RCOR3: variants seen among roughly 807,000 people sequenced by gnomAD.
The protein encoded by RCOR3 is REST corepressor 3.
RCOR3 carries 13 observed loss-of-function variants against 64.1 expected under a neutral mutation model. That is an observed-to-expected ratio of 0.20 (90% confidence interval 0.13 to 0.32). The LOEUF is 0.32. Ranked by LOEUF, RCOR3 falls within the 10% of genes least tolerant of loss-of-function variation. The probability of loss-of-function intolerance (pLI) is 1.00; values close to 1 mark genes in which losing one functional copy is unlikely to be tolerated. For missense variants in RCOR3, 489 were observed against 701.2 expected, an observed-to-expected ratio of 0.70 and a Z score of 3.42; for synonymous variants, 215 against 239.0, an observed-to-expected ratio of 0.90 and a Z score of 0.93.
At chr1:211,288,863 T>G (rs1698901511) in intron 7 of RCOR3, among the ~76,000 whole-genome samples, 1 of 152,018 alleles carries the variant, frequency 6.6e-6, no homozygotes, top group Non-Finnish European at 1.5e-5. Flanking sequence ...TGAGGGAAAA[T>G]ATATCACATC....
rs1054401415 is a variant in RCOR3 at position 211,286,524 on chromosome 1, G to T, written c.721-2654G>T. The stretch of plus-strand genomic sequence containing the variant: ...GGGTTTCACCGGGTTAGCCAGTATG[G>T]TCTCGATCTCCTGACCTCGTGATCC... On this transcript the variant is annotated intron_variant, in intron 7 of 11. Transcript: ENST00000419091. 2.6e-5 allele frequency among the ~76,000 whole-genome samples: 4 copies of T among 152,044 alleles called. No individual in the cohort carries two copies. The South Asian group carries it at 8.3e-4, about 32-fold the overall frequency.
rs1701787075 is a variant in RCOR3, at chr1:211,314,861, C to G, written c.*1093C>G. 2 of 152,090 alleles carry G rather than the reference C, an allele frequency of 1.3e-5. No individual in the cohort carries two copies. The highest frequency in any genetic ancestry group is 4.8e-5 in the African/African-American group (2 of 41,414). 9.4% of individuals were successfully genotyped at this position (152,090 alleles called of 1,614,324 possible). On this transcript the variant is annotated 3_prime_UTR_variant, in exon 12 of 12. Transcript: ENST00000419091. ...CATTTGTGTATTCCTTGCAGCCAAC[C>G]TGTATTCGTGGGATTGGTGTAGGGT...
intron 2 of RCOR3, chr1:211,261,089 G>A (rs1694184436): frequency 6.6e-6 from 1 of 152,280 alleles, no homozygotes; most frequent in African/African-American, 2.4e-5. Flanking sequence ...CTTTGAAAGG[G>A]ACCCACCTTT....
chr1:211,313,904 C>A lies in RCOR3; in HGVS notation c.*136C>A. On this transcript the variant is annotated 3_prime_UTR_variant, in exon 12 of 12. Coordinates refer to ENST00000419091, the MANE Select transcript of RCOR3 (RefSeq NM_001136223.3). This position sits in a 1 kb window ranked among gnomAD's most constrained non-coding sequence, Gnocchi z 4.7. ...AACTAGTTCTGTGGCAGTGGACTAGCATAAGTGGATGTCTAAGAAATTTTT... is the reference window on the plus strand; with the variant it reads ...AACTAGTTCTGTGGCAGTGGACTAGAATAAGTGGATGTCTAAGAAATTTTT... The A allele has an allele frequency of 1.2e-6, 1 of 825,986 alleles. No individual in the cohort carries two copies. 51.2% of individuals were successfully genotyped at this position (825,986 alleles called of 1,614,324 possible).
chr1:211,263,015 CT>C (rs1204169805), intron 2 of RCOR3, among the ~76,000 whole-genome samples: 8 of 103,342 alleles, frequency 7.7e-5, no homozygotes, highest in Admixed American at 5.9e-4. Flanking sequence ...AATGTTATCC[CT>C]CCCCCCTGCC....
intron 10 of RCOR3, 47 bp downstream of exon 10, chr1:211,304,187 G>T (rs1183030221): frequency 1.5e-6 from 2 of 1,357,476 alleles, no homozygotes; most frequent in Admixed American, 4.8e-5. Flanking sequence ...TATTTAATTT[G>T]TCATGAAAGG....
At chr1:211,310,648 C>T (rs974893244) in intron 10 of RCOR3, among the ~76,000 whole-genome samples, 1 of 151,928 alleles carries the variant, frequency 6.6e-6, no homozygotes, top group Non-Finnish European at 1.5e-5. Flanking sequence ...GTCCATTGAA[C>T]AAGGGAAAAT....
At chr1:211,267,257 C>T (rs1407738246) in intron 2 of RCOR3, among the ~76,000 whole-genome samples, 1 of 152,144 alleles carries the variant, frequency 6.6e-6, no homozygotes, top group Non-Finnish European at 1.5e-5. Context: ...ACACAGCTAC[C>T]AAGTAGCAGA....
At chr1:211,304,417 C>G (rs921362070) in intron 10 of RCOR3, among the ~76,000 whole-genome samples, 1 of 152,184 alleles carries the variant, frequency 6.6e-6, no homozygotes, top group Non-Finnish European at 1.5e-5. Context: ...GCTCTCTGTG[C>G]TTCTCCTTTG....
intron 7 of RCOR3, among the ~76,000 whole-genome samples, chr1:211,287,670 C>A (rs1698713053): frequency 1.3e-5 from 2 of 152,114 alleles, no homozygotes; most frequent in Non-Finnish European, 2.9e-5. Flanking sequence ...CACCTGATGT[C>A]AGGAGTTGAA....
rs1214522218 is a variant in RCOR3 at position 211,260,229 on chromosome 1, G to A, written c.223+65G>A. ...CCTGGGCTTGGTTTGGGGTGGACGG[G>A]CTAGGAGTCCGGGCATGGGGCCGGG... is the stretch of plus-strand genomic sequence containing the variant. On this transcript the variant is annotated intron_variant, in intron 2 of 11. Coordinates refer to ENST00000419091, the MANE Select transcript of RCOR3 (RefSeq NM_001136223.3). 4.0e-6 allele frequency: 6 copies of A among 1,490,044 alleles called. No individual in the cohort carries two copies. The East Asian group carries it at 1.1e-4, about 28-fold the overall frequency. The allele number at this position is 1,490,044 out of a possible 1,614,324, so 92.3% of individuals were successfully genotyped here.
chr1:211,271,903 A>G (rs1036181489), intron 3 of RCOR3: 1 of 162,680 alleles, frequency 6.1e-6, no homozygotes, highest in Admixed American at 5.8e-5. Flanking sequence ...CCACCCCTCC[A>G]TTCAGTTATC....
At chr1:211,283,151 TC>T (rs1698056565) in intron 7 of RCOR3, among the ~76,000 whole-genome samples, 1 of 152,242 alleles carries the variant, frequency 6.6e-6, no homozygotes, top group South Asian at 2.1e-4. Flanking sequence ...GTCTGAGAGT[TC>T]CTTTGGTACA....
At chr1:211,263,107 G>A (rs1694642619) in intron 2 of RCOR3, among the ~76,000 whole-genome samples, 1 of 143,572 alleles carries the variant, frequency 7.0e-6, no homozygotes, top group Non-Finnish European at 1.5e-5. Context: ...CCATCTATGA[G>A]TGAGAACATG....
chr1:211,301,178 CAG>C lies in RCOR3; in HGVS notation c.1018-2902_1018-2901del, dbSNP rs373843164. On this transcript the variant is annotated intron_variant, in intron 9 of 11. Coordinates refer to ENST00000419091, the MANE Select transcript of RCOR3 (RefSeq NM_001136223.3). The stretch of plus-strand genomic sequence containing the variant: ...ATTGTTTTTTCTTATAAAAATTTTC[CAG>C]AGTCTTCAAAATTGTGTTTAAATAA... 3.4e-4 allele frequency among the ~76,000 whole-genome samples: 52 copies of C among 152,110 alleles called. No individual in the cohort carries two copies. The East Asian group carries it at 8.5e-3, about 25-fold the overall frequency.
At chr1:211,261,674 C>A (rs905928896) in intron 2 of RCOR3, among the ~76,000 whole-genome samples, 1 of 152,108 alleles carries the variant, frequency 6.6e-6, no homozygotes, top group Non-Finnish European at 1.5e-5. Context: ...GTAATCCCAG[C>A]ACTTTGGGAG....
Position 211,313,382 on chromosome 1 carries a change from G to A in RCOR3, c.1318-42G>A. On this transcript the variant is annotated intron_variant, in intron 11 of 11. Coordinates refer to ENST00000419091, the MANE Select transcript of RCOR3 (RefSeq NM_001136223.3). The surrounding 1 kb of genome is among the most constrained non-coding windows in gnomAD (Gnocchi z 4.7). ...AACTATATTGTATTAAGTTCATTAG[G>A]ACTTACATCTCATACGTGTATTTTT... 6.3e-7 allele frequency: 1 copy of A among 1,574,968 alleles called. No individual in the cohort carries two copies. Among genetic ancestry groups the A allele is most frequent in the Non-Finnish European group, 8.6e-7 (1 of 1,158,112 alleles).
intron 2 of RCOR3, among the ~76,000 whole-genome samples, chr1:211,270,857 CTTTTT>C (rs1420971089): frequency 7.0e-6 from 1 of 142,046 alleles, no homozygotes. Flanking sequence ...ATAAAGCTTA[CTTTTT>C]TTTTTTTTTT....
intron 7 of RCOR3, among the ~76,000 whole-genome samples, chr1:211,280,159 A>T (rs1222031443): frequency 1.3e-5 from 2 of 152,166 alleles, no homozygotes; most frequent in East Asian, 1.9e-4. Flanking sequence ...TTATCTGGGC[A>T]GCTGTTTTGA....
Sources: allele counts gnomAD v4.1 joint callset (sites outside exome capture counted in the v4.1 genomes callset), GRCh38; gene constraint gnomAD v4.1.1; non-coding constraint Gnocchi (gnomAD v3.1); transcripts MANE v1.5; gene names NCBI Gene and HGNC (gene_info 2026-07-23, HGNC 2026-07-21).